The following TMEM232 variants were observed in gnomAD, a reference collection of about 807,000 sequenced individuals.
TMEM232 encodes the protein transmembrane protein 232.
In TMEM232, 80 loss-of-function variants were observed where a neutral mutation model predicts 78.8. The observed-to-expected ratio is 1.01, with a 90% CI of 0.85 to 1.22. The LOEUF (loss-of-function observed/expected upper bound fraction) is 1.22, where lower values mean the gene tolerates loss of function less well. TMEM232 is among the 50% of genes most tolerant of loss of function. The probability of loss-of-function intolerance (pLI) is 0.00; values close to 1 mark genes in which losing one functional copy is unlikely to be tolerated. For missense variants in TMEM232, 881 were observed against 742.2 expected (o/e 1.19, Z -2.17); for synonymous variants, 297 against 254.3 (o/e 1.17, Z -1.60).
At chr5:110,681,438 C>T (rs931530557) in intron 1 of TMEM232, among the ~76,000 whole-genome samples, 2 of 152,154 alleles carry the variant, frequency 1.3e-5, no homozygotes, top group African/African-American at 4.8e-5. Flanking sequence ...TTCAGTTTCT[C>T]ACCTGTAAAA....
chr5:110,676,502 C>T (rs1399409518), intron 1 of TMEM232, among the ~76,000 whole-genome samples: 1 of 151,628 alleles, frequency 6.6e-6, no homozygotes, highest in East Asian at 2.0e-4. Context: ...GCCTCCTGGG[C>T]TTAAGCGATC....
intron 12 of TMEM232, among the ~76,000 whole-genome samples, chr5:110,522,082 A>T (rs1452527509): frequency 6.6e-6 from 1 of 152,142 alleles, no homozygotes; most frequent in Non-Finnish European, 1.5e-5. Flanking sequence ...CCATTCATTT[A>T]TGTATTCTTT....
chr5:110,722,109 A>G (rs1797709004), intron 1 of TMEM232, among the ~76,000 whole-genome samples: 1 of 152,122 alleles, frequency 6.6e-6, no homozygotes, highest in Non-Finnish European at 1.5e-5. Flanking sequence ...GGTAGGGTGG[A>G]AATGGAAGAC....
chr5:110,641,354 A>G (rs1786683700), intron 3 of TMEM232, among the ~76,000 whole-genome samples: 1 of 152,144 alleles, frequency 6.6e-6, no homozygotes, highest in Non-Finnish European at 1.5e-5. Flanking sequence ...AACAGAAGTG[A>G]GTTTGATGCC....
At chr5:110,681,743 G>A (rs1178926586) in intron 1 of TMEM232, among the ~76,000 whole-genome samples, 5 of 152,142 alleles carry the variant, frequency 3.3e-5, no homozygotes, top group African/African-American at 1.2e-4. Context: ...ATAGAACTTG[G>A]TCACAAATAC....
chr5:110,431,002 C>A (rs1391699677), intron 12 of TMEM232, among the ~76,000 whole-genome samples: 1 of 151,500 alleles, frequency 6.6e-6, no homozygotes, highest in Non-Finnish European at 1.5e-5. Context: ...AGTGAAAAAT[C>A]CCGGCAGAGA....
intron 12 of TMEM232, among the ~76,000 whole-genome samples, chr5:110,500,392 T>C (rs2149441747): frequency 6.6e-6 from 1 of 152,002 alleles, no homozygotes; most frequent in Non-Finnish European, 1.5e-5. Context: ...TTAAATTTGA[T>C]GTGAATAAAA....
chr5:110,642,480 T>C, intron 2 of TMEM232, 109 bp from the exon 3 acceptor site: 3 of 733,980 alleles, frequency 4.1e-6, no homozygotes, highest in Non-Finnish European at 6.1e-6. Context: ...GCAAAAATAC[T>C]TTCTTAATAA....
intron 5 of TMEM232, among the ~76,000 whole-genome samples, chr5:110,628,535 G>A (rs988865676): frequency 3.3e-5 from 5 of 151,938 alleles, no homozygotes; most frequent in African/African-American, 4.8e-5. Flanking sequence ...AAAATGGAAT[G>A]TCTGAAAAAA....
intron 11 of TMEM232, among the ~76,000 whole-genome samples, chr5:110,553,426 T>C (rs1671697073): frequency 6.6e-6 from 1 of 152,176 alleles, no homozygotes. Flanking sequence ...TAATTCTTGT[T>C]GTAGATATCT....
intron 12 of TMEM232, among the ~76,000 whole-genome samples, chr5:110,431,006 G>T (rs1171679579): frequency 6.6e-6 from 1 of 151,496 alleles, no homozygotes; most frequent in East Asian, 1.9e-4. Context: ...AAAAATCCCG[G>T]CAGAGAAATT....
intron 11 of TMEM232, among the ~76,000 whole-genome samples, chr5:110,552,841 TAG>T (rs1774630809): frequency 6.6e-6 from 1 of 152,200 alleles, no homozygotes; most frequent in Non-Finnish European, 1.5e-5. Flanking sequence ...TGGTATTCCC[TAG>T]GCTTTCTGCT....
chr5:110,412,286 C>T (rs551814847), intron 2 of TMEM232, among the ~76,000 whole-genome samples: 9 of 152,306 alleles, frequency 5.9e-5, no homozygotes, highest in African/African-American at 1.4e-4. Context: ...GGGAATTCAA[C>T]CCTGAACAAT....
At chr5:110,450,267 T>C (rs912041007) in intron 12 of TMEM232, among the ~76,000 whole-genome samples, 3 of 152,186 alleles carry the variant, frequency 2.0e-5, no homozygotes, top group Non-Finnish European at 2.9e-5. Context: ...AGTGTGAGAA[T>C]GGACTAATGC....
At chr5:110,387,641 C>T (rs182899547) in intron 5 of TMEM232, 1 of 152,068 alleles carries the variant, frequency 6.6e-6, no homozygotes, top group Admixed American at 6.5e-5. Flanking sequence ...AAATATTATT[C>T]ATTTTATGGA....
chr5:110,541,688 G>A (rs1434089634), intron 11 of TMEM232, among the ~76,000 whole-genome samples: 6 of 150,704 alleles, frequency 4.0e-5, no homozygotes, highest in African/African-American at 1.5e-4. Flanking sequence ...ACGTGGTTCA[G>A]CTTACTGTCT....
rs747021989 is a variant in TMEM232, at chr5:110,464,914, T to TGAGAC, written c.1704-40003_1704-39999dup. On this transcript the variant is annotated intron_variant, in intron 12 of 13. Coordinates refer to ENST00000455884, the MANE Select transcript of TMEM232 (RefSeq NM_001039763.4). Reference sequence around the variant, plus strand: ...AAACTGCATACATTTCTAAGAACCTTGAGACAGTAAATAAGAAGTGGAGAA... The same window carrying TGAGAC: ...AAACTGCATACATTTCTAAGAACCTTGAGACGAGACAGTAAATAAGAAGTGGAGAA... 6.6e-5 allele frequency among the ~76,000 whole-genome samples: 10 copies of TGAGAC among 152,256 alleles called. 1 individual carries two copies. The East Asian group carries it at 7.7e-4, about 12-fold the overall frequency.
intron 4 of TMEM232, among the ~76,000 whole-genome samples, chr5:110,638,668 C>G (rs1156594007): frequency 6.6e-6 from 1 of 152,106 alleles, no homozygotes; most frequent in Non-Finnish European, 1.5e-5. Context: ...AAGATACTAG[C>G]TTTGGAACCC....
intron 1 of TMEM232, among the ~76,000 whole-genome samples, chr5:110,670,651 G>A (rs986738830): frequency 2.6e-5 from 4 of 152,044 alleles, no homozygotes; most frequent in Admixed American, 6.6e-5. Context: ...GCTGTGCTGA[G>A]CTATATAGAG....
Sources: allele counts gnomAD v4.1 joint callset (sites outside exome capture counted in the v4.1 genomes callset), GRCh38; gene constraint gnomAD v4.1.1; transcripts MANE v1.5; gene names NCBI Gene and HGNC (gene_info 2026-07-23, HGNC 2026-07-21).